Variants in MPRIP observed in about 807,000 individuals in gnomAD.
MPRIP encodes the protein myosin phosphatase Rho interacting protein.
Under a neutral mutation model 234.9 loss-of-function variants are expected in MPRIP, and 59 were observed. That is an observed-to-expected ratio of 0.25 (90% confidence interval 0.20 to 0.31). The LOEUF is 0.31. Among genes scored for constraint, MPRIP ranks in the 10% least tolerant of loss-of-function variants. The probability of loss-of-function intolerance (pLI) is 1.00; values close to 1 mark genes in which losing one functional copy is unlikely to be tolerated. For synonymous variants in MPRIP, 1,144 were observed against 1,263.9 expected, an observed-to-expected ratio of 0.91 and a Z score of 2.01; for missense variants, 2,436 against 3,071.0, an observed-to-expected ratio of 0.79 and a Z score of 4.89.
chr17:17,127,337 C>T (rs543019332), intron 4 of MPRIP, among the ~76,000 whole-genome samples: 1 of 152,364 alleles, frequency 6.6e-6, no homozygotes, highest in South Asian at 2.1e-4. Flanking sequence ...CAGCACCTCA[C>T]ACCCGAGCCA....
Position 17,158,975 on chromosome 17 carries a change from C to G in MPRIP, c.2373C>G (p.His791Gln), listed in dbSNP as rs141904734. Reference protein sequence around the residue: ...SEDGGDRLSTHELTSLLEKEL... With the variant: ...SEDGGDRLSTQELTSLLEKEL... The stretch of plus-strand genomic sequence containing the variant: ...ATGGGGGTGACCGGCTCTCCACACA[C>G]GAGCTGACCTCTCTGCTCGAGAAGG... The change falls in exon 14 of 24, where the codon CAC becomes CAG. Residue 791 changes from histidine (H) to glutamine (Q), a missense_variant. By Grantham distance (24) the His-to-Gln change is conservative. Around this residue, in one of 4 missense-constraint regions of MPRIP, gnomAD observed 1,998 missense variants for 2,520.3 expected, o/e 0.79. Coordinates refer to ENST00000651222, the MANE Select transcript of MPRIP (RefSeq NM_001364716.4). The G allele has an allele frequency of 6.4e-5, 103 of 1,612,622 alleles. No homozygotes were observed. In the African/African-American group the frequency reaches 1.2e-3, roughly 19 times the overall value.
intron 3 of MPRIP, among the ~76,000 whole-genome samples, chr17:17,119,803 T>C (rs1402593163): frequency 1.3e-5 from 2 of 152,164 alleles, no homozygotes; most frequent in Non-Finnish European, 2.9e-5. Flanking sequence ...TGGGTCACAG[T>C]GCATATGAAA....
At chr17:17,059,596 A>G (rs766574672) in intron 1 of MPRIP, among the ~76,000 whole-genome samples, 3 of 152,220 alleles carry the variant, frequency 2.0e-5, no homozygotes, top group Admixed American at 6.5e-5. Context: ...GCCCCCTCCC[A>G]GGGAAGTCTC....
chr17:17,154,479 A>C (rs978929974), intron 13 of MPRIP, 64 bp downstream of exon 13: 51 of 1,403,606 alleles, frequency 3.6e-5, no homozygotes, highest in Non-Finnish European at 5.0e-5. Context: ...CCGCCAGGGC[A>C]GTGTCAGACT....
chr17:17,092,294 G>A (rs749083397), intron 3 of MPRIP, among the ~76,000 whole-genome samples: 10 of 152,246 alleles, frequency 6.6e-5, no homozygotes, highest in Non-Finnish European at 1.3e-4. Context: ...TGTTATAGTC[G>A]TGTTAAATGT....
At chr17:17,156,844 C>T (rs2045741775) in intron 13 of MPRIP, among the ~76,000 whole-genome samples, 1 of 152,248 alleles carries the variant, frequency 6.6e-6, no homozygotes, top group Non-Finnish European at 1.5e-5. Context: ...ACCTGCAGAT[C>T]CTGTTGCTGT....
At chr17:17,054,825 A>C (rs2088645011) in intron 1 of MPRIP, among the ~76,000 whole-genome samples, 2 of 152,128 alleles carry the variant, frequency 1.3e-5, no homozygotes, top group African/African-American at 4.8e-5. Context: ...CAAGGTGGGC[A>C]GATTGCTTGA....
At chr17:17,067,447 G>C (rs1216255978) in intron 1 of MPRIP, among the ~76,000 whole-genome samples, 1 of 152,184 alleles carries the variant, frequency 6.6e-6, no homozygotes, top group Non-Finnish European at 1.5e-5. Context: ...TGGATGCGCT[G>C]GACAAAGGGG....
At chr17:17,086,680 C>G (rs540918239) in intron 3 of MPRIP, among the ~76,000 whole-genome samples, 3 of 152,286 alleles carry the variant, frequency 2.0e-5, no homozygotes, top group Admixed American at 6.5e-5. Flanking sequence ...GAAACGCTTC[C>G]TAAGTGCTGT....
chr17:17,158,300 A>ATCCCT, intron 13 of MPRIP, 132 bp from the exon 14 acceptor site: 1 of 727,514 alleles, frequency 1.4e-6, no homozygotes, highest in Non-Finnish European at 2.2e-6. Context: ...GCACTTAGGA[A>ATCCCT]GCTGGGATTA....
intron 3 of MPRIP, among the ~76,000 whole-genome samples, chr17:17,089,279 C>T (rs1415235327): frequency 1.3e-5 from 2 of 152,198 alleles, no homozygotes; most frequent in African/African-American, 4.8e-5. Context: ...AGGGCAGCTT[C>T]CTTCTGAGGT....
chr17:17,120,149 T>C (rs1425944655), intron 3 of MPRIP, among the ~76,000 whole-genome samples: 1 of 152,222 alleles, frequency 6.6e-6, no homozygotes, highest in Non-Finnish European at 1.5e-5. Context: ...CGACTGGTTC[T>C]GTAACAGCAG....
At chr17:17,045,000 C>G (rs1187869463) in intron 1 of MPRIP, among the ~76,000 whole-genome samples, 1 of 152,146 alleles carries the variant, frequency 6.6e-6, no homozygotes, top group East Asian at 1.9e-4. Flanking sequence ...GGGCTGTTGC[C>G]AACAGCCTTC....
chr17:17,132,832 G>A (rs1014153809), intron 5 of MPRIP, among the ~76,000 whole-genome samples: 1 of 152,224 alleles, frequency 6.6e-6, no homozygotes, highest in Non-Finnish European at 1.5e-5. Context: ...ATACAGAGTG[G>A]TTCCTGGGAC....
At chr17:17,088,796 T>G (rs1241150981) in intron 3 of MPRIP, among the ~76,000 whole-genome samples, 1 of 151,166 alleles carries the variant, frequency 6.6e-6, no homozygotes, top group Non-Finnish European at 1.5e-5. Flanking sequence ...GGCAATGTAG[T>G]ATGTTAGTGT....
chr17:17,053,697 T>C (rs1567682837), intron 1 of MPRIP, among the ~76,000 whole-genome samples: 1 of 152,184 alleles, frequency 6.6e-6, no homozygotes, highest in Non-Finnish European at 1.5e-5. Flanking sequence ...ACTGTGATTT[T>C]GTGGGCAAGC....
intron 3 of MPRIP, among the ~76,000 whole-genome samples, chr17:17,091,618 C>T (rs1454452016): frequency 6.6e-6 from 1 of 152,226 alleles, no homozygotes; most frequent in East Asian, 1.9e-4. Context: ...ACAGCCGACC[C>T]TTTTCCAGTG....
chr17:17,167,256 G>A lies in MPRIP; in HGVS notation c.5665G>A (p.Glu1889Lys), dbSNP rs1264338543. 11 of 1,303,972 alleles carry A rather than the reference G, an allele frequency of 8.4e-6. No homozygotes were observed. The highest frequency in any genetic ancestry group is 1.1e-5 in the Non-Finnish European group (11 of 988,950). The allele number at this position is 1,303,972 out of a possible 1,614,324, so 80.8% of individuals were successfully genotyped here. The change falls in exon 16 of 24, where the codon GAG becomes AAG. Residue 1889 changes from glutamate (E) to lysine (K), a missense_variant. Coordinates refer to ENST00000651222, the MANE Select transcript of MPRIP (RefSeq NM_001364716.4). The surrounding 1 kb of genome is among the most constrained non-coding windows in gnomAD (Gnocchi z 5.9). ...EQAQAARALR[E>K]EYEELLRKQK... Reference sequence around the variant, plus strand: ...GGCACAGGCAGCCCGGGCCCTGAGGGAGGAGTATGAGGAGCTTCTCCGCAA... The same window carrying A: ...GGCACAGGCAGCCCGGGCCCTGAGGAAGGAGTATGAGGAGCTTCTCCGCAA...
At chr17:17,101,613 A>G (rs1383579200) in intron 3 of MPRIP, among the ~76,000 whole-genome samples, 9 of 152,224 alleles carry the variant, frequency 5.9e-5, no homozygotes, top group Admixed American at 2.6e-4. Flanking sequence ...AAAAATATAT[A>G]TATAGTTACT....
Sources: allele counts gnomAD v4.1 joint callset (sites outside exome capture counted in the v4.1 genomes callset), GRCh38; gene constraint gnomAD v4.1.1; regional missense constraint gnomAD v4.1.1; non-coding constraint Gnocchi (gnomAD v3.1); transcripts MANE v1.5; gene names NCBI Gene and HGNC (gene_info 2026-07-23, HGNC 2026-07-21).